Variants in GRIA3 observed in about 807,000 individuals in gnomAD.
GRIA3 encodes the protein glutamate ionotropic receptor AMPA type subunit 3, also known as glutamate receptor 3.
In GRIA3, 3 loss-of-function variants were observed where a neutral mutation model predicts 63.0. That is an observed-to-expected ratio of 0.05 (90% CI 0.02 to 0.12). The LOEUF is 0.12. Ranked by LOEUF, GRIA3 falls within the 10% of genes least tolerant of loss-of-function variation. The probability of loss-of-function intolerance (pLI) is 1.00; values close to 1 mark genes in which losing one functional copy is unlikely to be tolerated. For synonymous variants in GRIA3, 274 were observed against 257.9 expected, an observed-to-expected ratio of 1.06 and a Z score of -0.60; for missense variants, 347 against 700.9, an observed-to-expected ratio of 0.50 and a Z score of 5.70.
intron 12 of GRIA3, among the ~76,000 whole-genome samples, chrX:123,440,575 G>C (rs2147410556): frequency 8.9e-6 from 1 of 112,609 alleles, no homozygotes; most frequent in South Asian, 3.7e-4. Context: ...TCATATGCTT[G>C]TTGGCCGCAT....
intron 3 of GRIA3, among the ~76,000 whole-genome samples, chrX:123,261,498 G>A (rs1569409917): frequency 8.9e-6 from 1 of 111,885 alleles, no homozygotes; most frequent in Non-Finnish European, 1.9e-5. Flanking sequence ...CAGTGAATTT[G>A]AGGTTGAATT....
At chrX:123,284,789 A>G (rs2044607582) in intron 3 of GRIA3, among the ~76,000 whole-genome samples, 1 of 111,852 alleles carries the variant, frequency 8.9e-6, no homozygotes, top group African/African-American at 3.3e-5. Context: ...TGTACCTCAA[A>G]GTGACAGGGA....
At chrX:123,349,318 C>T (rs2045077204) in intron 4 of GRIA3, among the ~76,000 whole-genome samples, 1 of 111,990 alleles carries the variant, frequency 8.9e-6, no homozygotes, top group South Asian at 3.7e-4. Context: ...TTATTCATGG[C>T]CATTTATTGC....
chrX:123,242,625 G>A (rs2044336206), intron 2 of GRIA3, among the ~76,000 whole-genome samples: 1 of 112,571 alleles, frequency 8.9e-6, no homozygotes, highest in African/African-American at 3.2e-5. Context: ...TTATGTGGAT[G>A]ATGATTACTG....
At chrX:123,469,775 G>C (rs1480777818) in intron 13 of GRIA3, among the ~76,000 whole-genome samples, 1 of 112,083 alleles carries the variant, frequency 8.9e-6, no homozygotes, top group Admixed American at 9.4e-5. Context: ...GTAAATCACA[G>C]CAGAATGGAG....
chrX:123,419,486 A>G (rs2045553165), intron 11 of GRIA3, among the ~76,000 whole-genome samples: 2 of 110,488 alleles, frequency 1.8e-5, no homozygotes, highest in Non-Finnish European at 3.8e-5. Context: ...TTTGAATCCC[A>G]TTTATTGAAT....
chrX:123,200,810 A>C (rs1226283639), intron 2 of GRIA3, among the ~76,000 whole-genome samples: 1 of 111,283 alleles, frequency 9.0e-6, no homozygotes, highest in Non-Finnish European at 1.9e-5. Context: ...TTTTGGGATG[A>C]TCATTATTCC....
At chrX:123,198,663 T>C in intron 2 of GRIA3, among the ~76,000 whole-genome samples, 1 of 111,305 alleles carries the variant, frequency 9.0e-6, no homozygotes, top group Admixed American at 9.6e-5. Context: ...AAGAAAGAAT[T>C]TGCTTGATAC....
chrX:123,345,494 A>ACACACACACACC (rs2045042055), intron 4 of GRIA3, among the ~76,000 whole-genome samples: 1 of 83,699 alleles, frequency 1.2e-5, no homozygotes, highest in South Asian at 6.2e-4. Flanking sequence ...ACACACACAC[A>ACACACACACACC]CCTCCTTCCC....
intron 2 of GRIA3, among the ~76,000 whole-genome samples, chrX:123,244,002 A>G (rs973431139): frequency 8.9e-6 from 1 of 112,741 alleles, no homozygotes; most frequent in African/African-American, 3.2e-5. Flanking sequence ...TCCAAAATAC[A>G]TGTGTTCATA....
intron 2 of GRIA3, among the ~76,000 whole-genome samples, chrX:123,213,578 G>A (rs1386255685): frequency 8.9e-6 from 1 of 112,093 alleles, no homozygotes; most frequent in Non-Finnish European, 1.9e-5. Context: ...GCAAAAGGCA[G>A]GAAATAAATT....
At chrX:123,429,615 G>C (rs747187678) in intron 12 of GRIA3, among the ~76,000 whole-genome samples, 1 of 111,978 alleles carries the variant, frequency 8.9e-6, no homozygotes, top group Non-Finnish European at 1.9e-5. Context: ...CTGATGAGTA[G>C]TCAACACATA....
intron 2 of GRIA3, among the ~76,000 whole-genome samples, chrX:123,206,872 C>T (rs1927902788): frequency 8.9e-6 from 1 of 112,041 alleles, no homozygotes; most frequent in Admixed American, 9.4e-5. Context: ...TCAAGTGCAG[C>T]TCTAAGTTAG....
At chrX:123,286,582 A>T (rs1165900721) in intron 3 of GRIA3, among the ~76,000 whole-genome samples, 1 of 111,796 alleles carries the variant, frequency 8.9e-6, no homozygotes, top group East Asian at 2.8e-4. Context: ...ATAAAGGGAC[A>T]TCATCACTGA....
At chrX:123,418,336 G>A (rs1304543331) in intron 11 of GRIA3, among the ~76,000 whole-genome samples, 1 of 111,391 alleles carries the variant, frequency 9.0e-6, no homozygotes, top group Non-Finnish European at 1.9e-5. Context: ...GAGAATATCT[G>A]TTTTACCTTG....
chrX:123,211,954 C>CTAGA (rs1488309139), intron 2 of GRIA3, among the ~76,000 whole-genome samples: 1 of 111,440 alleles, frequency 9.0e-6, no homozygotes, highest in African/African-American at 3.3e-5. Context: ...TGAGCATGGA[C>CTAGA]TAGAGCATTC....
intron 2 of GRIA3, among the ~76,000 whole-genome samples, chrX:123,219,192 G>T (rs1233181524): frequency 1.8e-5 from 2 of 112,267 alleles, no homozygotes; most frequent in African/African-American, 6.5e-5. Flanking sequence ...GCATTGTCAA[G>T]AATCCACTCA....
intron 12 of GRIA3, among the ~76,000 whole-genome samples, chrX:123,441,196 C>A (rs919660432): frequency 7.2e-5 from 8 of 111,841 alleles, no homozygotes; most frequent in Non-Finnish European, 1.3e-4. Context: ...AAACAATGAA[C>A]AATAAGACCA....
chrX:123,458,474 C>A (rs2045774484), intron 12 of GRIA3, among the ~76,000 whole-genome samples: 1 of 111,095 alleles, frequency 9.0e-6, no homozygotes, highest in Non-Finnish European at 1.9e-5. Flanking sequence ...GAATAAGCTA[C>A]TTCCTATGCC....
Sources: allele counts gnomAD v4.1 joint callset (sites outside exome capture counted in the v4.1 genomes callset), GRCh38; gene constraint gnomAD v4.1.1; transcripts MANE v1.5; gene names NCBI Gene and HGNC (gene_info 2026-07-23, HGNC 2026-07-21).